Variants in CASK observed in about 807,000 individuals in gnomAD.
CASK encodes peripheral plasma membrane protein CASK.
In CASK, 4 loss-of-function variants were observed where a neutral mutation model predicts 82.9. The ratio of observed to expected loss-of-function variants is 0.05; its 90% confidence interval spans 0.02 to 0.11. The LOEUF is 0.11. Among genes scored for constraint, CASK ranks in the 10% least tolerant of loss-of-function variants. The pLI is 1.00. For synonymous variants in CASK, 259 were observed against 253.5 expected, an observed-to-expected ratio of 1.02 and a Z score of -0.20; for missense variants, 358 against 720.9, an observed-to-expected ratio of 0.50 and a Z score of 5.76.
chrX:41,862,542 GAAA>G (rs35462461), intron 1 of CASK, among the ~76,000 whole-genome samples: 2 of 32,871 alleles, frequency 6.1e-5, no homozygotes, highest in Non-Finnish European at 1.0e-4. Flanking sequence ...CTCTGTCTCA[GAAA>G]AAAAAAAAAA....
chrX:41,821,836 A>G (rs189876537), intron 2 of CASK, among the ~76,000 whole-genome samples: 15 of 112,018 alleles, frequency 1.3e-4, no homozygotes, highest in Admixed American at 3.8e-4. Context: ...TTTCACAGAG[A>G]GAAGTCACAT....
chrX:41,727,496 T>G, intron 5 of CASK: 1 of 1,209,318 alleles, frequency 8.3e-7, no homozygotes, highest in Non-Finnish European at 1.1e-6. Context: ...AAACTATGCA[T>G]TTACATATGG....
intron 3 of CASK, among the ~76,000 whole-genome samples, chrX:41,774,140 G>T (rs1479021231): frequency 9.0e-6 from 1 of 111,367 alleles, no homozygotes; most frequent in Non-Finnish European, 1.9e-5. Context: ...AGGAAAAGAA[G>T]AAGTCAAATT....
chrX:41,726,112 C>G (rs1389765263), intron 5 of CASK, among the ~76,000 whole-genome samples: 2 of 111,811 alleles, frequency 1.8e-5, no homozygotes, highest in Non-Finnish European at 3.8e-5. Flanking sequence ...CATACCCGGT[C>G]TAGTTTTTGT....
chrX:41,922,280 TACCACGCTA>T (rs1425005805), intron 1 of CASK, among the ~76,000 whole-genome samples: 1 of 111,553 alleles, frequency 9.0e-6, no homozygotes, highest in African/African-American at 3.3e-5. Context: ...CAGACGGCTC[TACCACGCTA>T]ACCACCATCC....
chrX:41,716,633 G>A (rs372155171), intron 5 of CASK, among the ~76,000 whole-genome samples: 7 of 112,216 alleles, frequency 6.2e-5, no homozygotes, highest in African/African-American at 1.9e-4. Context: ...TACAAGTGCT[G>A]GAAGCAGGGG....
intron 12 of CASK, among the ~76,000 whole-genome samples, chrX:41,603,063 C>A (rs746871855): frequency 1.4e-3 from 153 of 111,987 alleles, no homozygotes; most frequent in African/African-American, 4.6e-3. Flanking sequence ...ACTCTTAAGA[C>A]TGGATGGGGC....
At chrX:41,578,317 G>A in intron 15 of CASK, 23 bp downstream of exon 15, 1 of 1,147,319 alleles carries the variant, frequency 8.7e-7, no homozygotes, top group South Asian at 1.8e-5. Context: ...TGAGAGTATT[G>A]AAAACTTTCT....
chrX:41,849,621 T>TA (rs2071222439), intron 2 of CASK, among the ~76,000 whole-genome samples: 1 of 111,802 alleles, frequency 8.9e-6, no homozygotes, highest in South Asian at 3.7e-4. Context: ...ATGGACTCTC[T>TA]AAAAAAATAA....
At chrX:41,809,971 C>G (rs2070232472) in intron 2 of CASK, among the ~76,000 whole-genome samples, 1 of 112,075 alleles carries the variant, frequency 8.9e-6, no homozygotes, top group African/African-American at 3.2e-5. Context: ...ATTTGATCAA[C>G]TGGAAGAAAG....
intron 1 of CASK, among the ~76,000 whole-genome samples, chrX:41,885,568 A>C (rs1241777617): frequency 8.9e-6 from 1 of 112,346 alleles, no homozygotes; most frequent in Non-Finnish European, 1.9e-5. Flanking sequence ...TTGAACCTTA[A>C]GTTACTATGT....
At chrX:41,922,844 G>A in intron 1 of CASK, 86 bp downstream of exon 1, 1 of 846,310 alleles carries the variant, frequency 1.2e-6, no homozygotes, top group Non-Finnish European at 1.8e-6. Context: ...GGAGGGCAGG[G>A]GGCAGGCCCC....
chrX:41,662,520 T>C (rs1277032787), intron 7 of CASK, among the ~76,000 whole-genome samples: 1 of 111,704 alleles, frequency 9.0e-6, no homozygotes, highest in Non-Finnish European at 1.9e-5. Context: ...CCGGGTGCGG[T>C]GGCTCACAGC....
chrX:41,522,667 C>CA (rs780212135), intron 26 of CASK, among the ~76,000 whole-genome samples: 34 of 112,228 alleles, frequency 3.0e-4, no homozygotes, highest in Non-Finnish European at 5.3e-4. Context: ...AAACCACTAG[C>CA]AGGGTTTATG....
At chrX:41,852,069 CCAT>C (rs1382737702) in intron 2 of CASK, among the ~76,000 whole-genome samples, 4 of 111,130 alleles carry the variant, frequency 3.6e-5, no homozygotes, top group African/African-American at 1.3e-4. Flanking sequence ...CTAAATCTTA[CCAT>C]AATATTTTAA....
chrX:41,744,346 TC>T (rs2068649795), intron 4 of CASK, among the ~76,000 whole-genome samples: 2 of 108,653 alleles, frequency 1.8e-5, no homozygotes, highest in African/African-American at 3.4e-5. Flanking sequence ...CATATTTACT[TC>T]TTTTTTTTTT....
chrX:41,673,829 GTTT>G (rs887137250), intron 5 of CASK, among the ~76,000 whole-genome samples: 8 of 51,045 alleles, frequency 1.6e-4, no homozygotes, highest in African/African-American at 5.3e-4. Context: ...AACTCTGGGT[GTTT>G]TTTTTTTTTT....
chrX:41,710,439 C>A (rs1318135920), intron 5 of CASK, among the ~76,000 whole-genome samples: 1 of 111,429 alleles, frequency 9.0e-6, no homozygotes, highest in African/African-American at 3.3e-5. Flanking sequence ...CTTATGACTG[C>A]CACTGAAGTC....
chrX:41,684,735 T>C (rs929518728), intron 5 of CASK, among the ~76,000 whole-genome samples: 3 of 111,341 alleles, frequency 2.7e-5, no homozygotes, highest in Non-Finnish European at 5.7e-5. Context: ...TGGCCTCAAG[T>C]GATCCGCCCG....
Sources: gnomAD v4.1 joint callset for allele counts (sites outside exome capture counted in the v4.1 genomes callset) on GRCh38, gnomAD v4.1.1 for gene constraint, MANE v1.5 for transcripts, NCBI Gene and HGNC (gene_info 2026-07-23, HGNC 2026-07-21) for gene names.